The following TNR variants were observed in gnomAD, a reference collection of about 807,000 sequenced individuals.
The protein encoded by TNR is tenascin R, also known as tenascin-R.
A neutral mutation model predicts 150.4 loss-of-function variants in TNR; 45 were observed. That is an observed-to-expected ratio of 0.30 (90% CI 0.24 to 0.38). The LOEUF (loss-of-function observed/expected upper bound fraction) is 0.38, where lower values mean the gene tolerates loss of function less well. Ranked by LOEUF, TNR falls within the 10% of genes least tolerant of loss-of-function variation. The pLI is 1.00. For missense variants in TNR, 1,544 were observed against 1,759.1 expected (o/e 0.88, Z 2.19); for synonymous variants, 687 against 678.4 (o/e 1.01, Z -0.20).
Position 175,700,707 on chromosome 1 carries a change from C to T in TNR, c.-165+42519G>A, listed in dbSNP as rs116171554. ...CAGTGTTCCATACATCAGGTGACCA[C>T]GGAGGTAGAATCAGGGGCCCTCTTG... On this transcript the variant is annotated intron_variant, in intron 1 of 22. Coordinates refer to ENST00000367674, the MANE Select transcript of TNR (RefSeq NM_003285.3). Among the ~76,000 whole-genome samples, 637 of 152,274 alleles carry T rather than the reference C, an allele frequency of 4.2e-3. 2 individuals carry two copies. Among genetic ancestry groups the T allele is most frequent in the African/African-American group, 0.014 (600 of 41,558 alleles).
chr1:175,429,487 T>G (rs1377868453), intron 2 of TNR, among the ~76,000 whole-genome samples: 1 of 152,196 alleles, frequency 6.6e-6, no homozygotes, highest in Non-Finnish European at 1.5e-5. Context: ...TGATGATTAA[T>G]TTAACTAATA....
chr1:175,550,482 G>A (rs1006745294), intron 1 of TNR, among the ~76,000 whole-genome samples: 16 of 152,088 alleles, frequency 1.1e-4, no homozygotes, highest in African/African-American at 3.6e-4. Context: ...ACTGAGCCAT[G>A]GAACTCTTCC....
intron 2 of TNR, among the ~76,000 whole-genome samples, chr1:175,485,684 C>A (rs181955979): frequency 3.2e-4 from 48 of 152,262 alleles, no homozygotes; most frequent in South Asian, 6.2e-4. Flanking sequence ...GCTCTCCCCC[C>A]ACTTTTCAAG....
chr1:175,741,813 A>T (rs1159532588), intron 1 of TNR, among the ~76,000 whole-genome samples: 1 of 152,230 alleles, frequency 6.6e-6, no homozygotes, highest in Non-Finnish European at 1.5e-5. Flanking sequence ...CTGAATTAAA[A>T]ATAAGACAAA....
intron 1 of TNR, among the ~76,000 whole-genome samples, chr1:175,702,908 AAAGTTT>A (rs1666736712): frequency 6.6e-6 from 1 of 152,232 alleles, no homozygotes; most frequent in Non-Finnish European, 1.5e-5. Flanking sequence ...AGTTATTCCT[AAAGTTT>A]TCAGTTTGCT....
intron 1 of TNR, among the ~76,000 whole-genome samples, chr1:175,687,687 T>C (rs1386741619): frequency 6.6e-6 from 1 of 151,944 alleles, no homozygotes; most frequent in Non-Finnish European, 1.5e-5. Flanking sequence ...AAGACAATAA[T>C]GGGGACTGAA....
At chr1:175,723,183 T>A (rs1034223799) in intron 1 of TNR, among the ~76,000 whole-genome samples, 2 of 152,232 alleles carry the variant, frequency 1.3e-5, no homozygotes, top group Non-Finnish European at 2.9e-5. Flanking sequence ...ATAGACAGAC[T>A]TAATTATTTT....
intron 1 of TNR, among the ~76,000 whole-genome samples, chr1:175,602,514 T>C (rs1249188103): frequency 6.6e-6 from 1 of 152,236 alleles, no homozygotes; most frequent in African/African-American, 2.4e-5. Flanking sequence ...AACAGATGCA[T>C]ACTTGTAGCA....
chr1:175,561,467 G>A (rs1055870466), intron 1 of TNR, among the ~76,000 whole-genome samples: 3 of 152,120 alleles, frequency 2.0e-5, no homozygotes, highest in Admixed American at 2.0e-4. Flanking sequence ...TCACTCACAT[G>A]GAGGCAAAGA....
Position 175,335,778 on chromosome 1 carries a change from A to C in TNR, c.3564T>G (p.Thr1188=), listed in dbSNP as rs567427989. The change falls in exon 20 of 23, where the codon ACT becomes ACG. Residue 1188 remains threonine, a synonymous_variant. Transcript: ENST00000367674. ...AATCAGCCCATTTCCGGAAAAAATC[A>C]GTTTGGCCATTCTGCCGCCTCTGGA... ...IVFQRRQNGQ[T]DFFRKWADYR... 1 of 1,614,198 alleles carries C rather than the reference A, an allele frequency of 6.2e-7. No individual in the cohort carries two copies. The highest frequency in any genetic ancestry group is 1.3e-5 in the African/African-American group (1 of 75,066).
At position 175,711,864 on chromosome 1, in the gene TNR, G is replaced by A. The variant is rs533513772; in HGVS notation, c.-165+31362C>T. Among the ~76,000 whole-genome samples the A allele has an allele frequency of 3.9e-5, 6 of 152,332 alleles. No homozygotes were observed. The East Asian group carries it at 9.6e-4, about 24-fold the overall frequency. ...GTCATTTGAGTTGTGGGCAGGGCAT[G>A]TTTGGGGGATAGAATATAAGTTCAG... On this transcript the variant is annotated intron_variant, in intron 1 of 22. Coordinates refer to ENST00000367674, the MANE Select transcript of TNR (RefSeq NM_003285.3).
At chr1:175,496,116 G>C (rs1359650724) in intron 2 of TNR, among the ~76,000 whole-genome samples, 2 of 152,138 alleles carry the variant, frequency 1.3e-5, no homozygotes, top group Non-Finnish European at 2.9e-5. Flanking sequence ...GTTCTCGTGA[G>C]TTTTCCTGTT....
intron 1 of TNR, among the ~76,000 whole-genome samples, chr1:175,557,180 C>A (rs371151972): frequency 2.0e-5 from 3 of 152,290 alleles, no homozygotes; most frequent in Non-Finnish European, 2.9e-5. Context: ...TGGAAGCAGA[C>A]CTTTCTCCAA....
intron 1 of TNR, among the ~76,000 whole-genome samples, chr1:175,559,068 C>T (rs939104984): frequency 5.3e-5 from 8 of 152,100 alleles, no homozygotes; most frequent in African/African-American, 1.9e-4. Context: ...CTGCTGTGAA[C>T]CTAAAACCAC....
chr1:175,658,161 C>T (rs1172926287), intron 1 of TNR, among the ~76,000 whole-genome samples: 3 of 152,006 alleles, frequency 2.0e-5, no homozygotes, highest in Non-Finnish European at 2.9e-5. Flanking sequence ...CTGCTGTACT[C>T]TCACCCCCAG....
At chr1:175,620,854 G>A (rs368710587) in intron 1 of TNR, among the ~76,000 whole-genome samples, 1 of 151,998 alleles carries the variant, frequency 6.6e-6, no homozygotes, top group Non-Finnish European at 1.5e-5. Context: ...AAGAGAGAGA[G>A]AAGCTTTTCT....
intron 4 of TNR, among the ~76,000 whole-genome samples, chr1:175,397,897 C>G (rs1352028808): frequency 6.6e-6 from 1 of 152,198 alleles, no homozygotes; most frequent in Admixed American, 6.5e-5. Flanking sequence ...GAGGCTAACT[C>G]CAGTGTGTCT....
At chr1:175,698,544 T>C (rs142218617) in intron 1 of TNR, among the ~76,000 whole-genome samples, 1 of 151,728 alleles carries the variant, frequency 6.6e-6, no homozygotes, top group East Asian at 1.9e-4. Context: ...CAGTGGGAAA[T>C]AAGAGGTGGT....
At chr1:175,347,454 G>T (rs1056913536) in intron 18 of TNR, among the ~76,000 whole-genome samples, 7 of 151,932 alleles carry the variant, frequency 4.6e-5, no homozygotes, top group African/African-American at 1.2e-4. Context: ...TTGAGACAGG[G>T]TCTTGCTCTG....
Sources: allele counts gnomAD v4.1 joint callset (sites outside exome capture counted in the v4.1 genomes callset), GRCh38; gene constraint gnomAD v4.1.1; transcripts MANE v1.5; gene names NCBI Gene and HGNC (gene_info 2026-07-23, HGNC 2026-07-21).